Variants in PRDM1 observed in about 807,000 individuals in gnomAD.
The protein encoded by PRDM1 is PR/SET domain 1.
Under a neutral mutation model 62.8 loss-of-function variants are expected in PRDM1, and 13 were observed. The observed-to-expected ratio is 0.21, with a 90% CI of 0.13 to 0.33. The LOEUF is 0.33. Ranked by LOEUF, PRDM1 falls within the 10% of genes least tolerant of loss-of-function variation. The pLI, the probability that PRDM1 is intolerant of heterozygous loss-of-function variation, is 1.00. For missense variants in PRDM1, 895 were observed against 1,058.8 expected (o/e 0.85, Z 2.15); for synonymous variants, 396 against 417.6 (o/e 0.95, Z 0.63).
intron 3 of PRDM1, chr6:106,098,868 A>G: frequency 6.6e-7 from 1 of 1,516,584 alleles, no homozygotes; most frequent in Non-Finnish European, 8.9e-7. Flanking sequence ...ACTCAGTTTG[A>G]CGTCGTCAGC....
chr6:106,038,014 C>CTTTTTTT lies in PRDM1; in HGVS notation c.-67+44389_-67+44395dup, dbSNP rs1227783243. Among the ~76,000 whole-genome samples the CTTTTTTT allele has an allele frequency of 2.0e-3, 97 of 47,790 alleles. 30 individuals are homozygous for CTTTTTTT. The highest frequency in any genetic ancestry group is 8.2e-3 in the East Asian group (9 of 1,104). 31.4% of individuals were successfully genotyped at this position (47,790 alleles called of 152,430 possible). A position where few individuals can be genotyped will look rare whatever the true frequency, so the allele number is the denominator to read the frequency against. On this transcript the variant is annotated intron_variant, in intron 1 of 6. Transcript: ENST00000652320. ...CTTTCCTATGGTTTGCTATTTTTGT[C>CTTTTTTT]TTTTTTTTTTTTTTTTTTTTGAGAC...
intron 1 of PRDM1, among the ~76,000 whole-genome samples, chr6:106,074,755 G>T (rs1306269174): frequency 6.6e-6 from 1 of 152,096 alleles, no homozygotes; most frequent in Non-Finnish European, 1.5e-5. Flanking sequence ...CGGGCGGATC[G>T]CTTGAGGCCA....
intron 1 of PRDM1, among the ~76,000 whole-genome samples, chr6:106,074,364 A>G (rs567617424): frequency 7.2e-5 from 11 of 152,332 alleles, no homozygotes; most frequent in African/African-American, 2.6e-4. Context: ...CTTCCCACTC[A>G]AGTTGCCAGT....
In PRDM1 at chr6:106,105,294, C is replaced by G. The variant is rs143475302; in HGVS notation, c.1134C>G (p.Asn378Lys). Reference protein sequence around the residue: ...QEHRDSYAYLNASYGTEGLGS... With the variant: ...QEHRDSYAYLKASYGTEGLGS... Reference sequence around the variant, plus strand: ...ACCGGGACTCCTACGCTTACTTGAACGCGTCCTACGGCACGGAAGGTTTGG... The same window carrying G: ...ACCGGGACTCCTACGCTTACTTGAAGGCGTCCTACGGCACGGAAGGTTTGG... The change falls in exon 5 of 7, where the codon AAC becomes AAG. Residue 378 changes from asparagine (N) to lysine (K), a missense_variant. Coordinates refer to ENST00000369096, the MANE Select transcript of PRDM1 (RefSeq NM_001198.4). The G allele has an allele frequency of 6.2e-7, 1 of 1,613,546 alleles. No homozygotes were observed. The highest frequency in any genetic ancestry group is 8.5e-7 in the Non-Finnish European group (1 of 1,179,734).
At chr6:106,102,004 A>G (rs1484407474) in intron 4 of PRDM1, among the ~76,000 whole-genome samples, 1 of 152,206 alleles carries the variant, frequency 6.6e-6, no homozygotes, top group African/African-American at 2.4e-5. Flanking sequence ...TAACTAACCC[A>G]TCTAGAAAAC....
chr6:106,072,994 A>G (rs1276392726), intron 1 of PRDM1, among the ~76,000 whole-genome samples: 1 of 152,100 alleles, frequency 6.6e-6, no homozygotes, highest in Non-Finnish European at 1.5e-5. Context: ...GCTCTTCACC[A>G]TGTGGCAATT....
chr6:106,016,920 G>A (rs1431941829), intron 1 of PRDM1, among the ~76,000 whole-genome samples: 1 of 152,128 alleles, frequency 6.6e-6, no homozygotes, highest in Non-Finnish European at 1.5e-5. Context: ...CCAAAGTGCC[G>A]GGATTACAGG....
chr6:106,098,857 G>C (rs1774185298), intron 3 of PRDM1: 1 of 1,521,198 alleles, frequency 6.6e-7, no homozygotes, highest in Non-Finnish European at 8.8e-7. Context: ...AAAAAGCTAA[G>C]ACTCAGTTTG....
At chr6:106,027,466 C>T (rs1160415917) in intron 1 of PRDM1, among the ~76,000 whole-genome samples, 1 of 152,160 alleles carries the variant, frequency 6.6e-6, no homozygotes, top group Admixed American at 6.6e-5. Flanking sequence ...TGGTCCGGGA[C>T]TTCTGCTGGG....
intron 1 of PRDM1, among the ~76,000 whole-genome samples, chr6:106,071,838 T>C (rs191816829): frequency 5.3e-5 from 8 of 151,488 alleles, no homozygotes; most frequent in Non-Finnish European, 7.4e-5. Context: ...GTAGATATCA[T>C]CTAAAAGGTT....
At chr6:106,053,858 C>T (rs1228020198) in intron 1 of PRDM1, among the ~76,000 whole-genome samples, 2 of 134,634 alleles carry the variant, frequency 1.5e-5, no homozygotes, top group African/African-American at 5.5e-5. Flanking sequence ...GTATACAATA[C>T]TCTGGGTAGA....
chr6:105,997,188 A>G (rs1299459854), intron 1 of PRDM1, among the ~76,000 whole-genome samples: 1 of 152,238 alleles, frequency 6.6e-6, no homozygotes, highest in Non-Finnish European at 1.5e-5. Flanking sequence ...AGCCTAAGAC[A>G]CTGGGATGGG....
chr6:106,043,286 T>A (rs1773029055), intron 1 of PRDM1, among the ~76,000 whole-genome samples: 1 of 152,202 alleles, frequency 6.6e-6, no homozygotes, highest in African/African-American at 2.4e-5. Flanking sequence ...ATTTTTACAT[T>A]AACTTGTTTA....
intron 1 of PRDM1, among the ~76,000 whole-genome samples, chr6:106,008,365 C>G (rs1264211752): frequency 1.3e-5 from 2 of 151,988 alleles, no homozygotes; most frequent in African/African-American, 4.8e-5. Context: ...GAGTGAGGCT[C>G]CGTCTCAAAA....
chr6:106,025,697 G>T (rs569971766), intron 1 of PRDM1, among the ~76,000 whole-genome samples: 7 of 152,212 alleles, frequency 4.6e-5, no homozygotes, highest in Admixed American at 6.5e-5. Context: ...AATCTCAAAG[G>T]TATAATAACA....
At position 106,072,760 on chromosome 6, in the gene PRDM1, G is replaced by A. The variant is rs569941426; in HGVS notation, c.-66-15441G>A. Among the ~76,000 whole-genome samples, 16 of 152,316 alleles carry A rather than the reference G, an allele frequency of 1.1e-4. 1 individual carries two copies. In the South Asian group the frequency reaches 2.5e-3, roughly 24 times the overall value. On this transcript the variant is annotated intron_variant, in intron 1 of 6. Transcript: ENST00000651185. The stretch of plus-strand genomic sequence containing the variant: ...GGGTAAATGAGAACAGAAACATGAC[G>A]TGGTGGATTGAGCTGTTCTCTGGAA...
rs769726184 is a variant in PRDM1 at position 106,105,487 on chromosome 6, C to G, written c.1327C>G (p.Leu443Val). 11 of 1,613,970 alleles carry G rather than the reference C, an allele frequency of 6.8e-6. No homozygotes were observed. The African/African-American group carries it at 1.5e-4, about 22-fold the overall frequency. Residue 443 changes from leucine to valine, a missense_variant, in exon 5 of 7, where the codon CTG (leucine) becomes GTG (valine). Leu to Val is a conservative substitution (Grantham distance 32). This residue lies in a region of PRDM1 where 444 missense variants were observed against 422.7 expected (regional missense o/e 1.05). Coordinates refer to ENST00000369096, the MANE Select transcript of PRDM1 (RefSeq NM_001198.4). The stretch of plus-strand genomic sequence containing the variant: ...CAACAACTTTGGCCTCTTCCCGAGG[C>G]TGTGCCCTGTCTACAGCAATCTCCT... ...GINNFGLFPR[L>V]CPVYSNLLGG... is the part of the protein sequence containing the mutation.
At chr6:106,083,066 T>G (rs1299670879), upstream of PRDM1, among the ~76,000 whole-genome samples, 1 of 152,030 alleles carries the variant, frequency 6.6e-6, no homozygotes, top group Non-Finnish European at 1.5e-5. Flanking sequence ...AAAAACCAAG[T>G]GTCCCTCTAG....
chr6:106,084,245 G>A (rs1051107715), upstream of PRDM1, among the ~76,000 whole-genome samples: 3 of 151,912 alleles, frequency 2.0e-5, no homozygotes, highest in African/African-American at 7.3e-5. Flanking sequence ...TTTCCTTAAA[G>A]TTCTACCCGT....
Sources: gnomAD v4.1 joint callset for allele counts (sites outside exome capture counted in the v4.1 genomes callset) on GRCh38, gnomAD v4.1.1 for gene constraint, gnomAD v4.1.1 regional missense constraint, MANE v1.5 for transcripts, NCBI Gene and HGNC (gene_info 2026-07-23, HGNC 2026-07-21) for gene names.